Variants in FDFT1 observed in about 807,000 individuals in gnomAD.
The protein encoded by FDFT1 is farnesyl-diphosphate farnesyltransferase 1.
In FDFT1, 68 loss-of-function variants were observed where a neutral mutation model predicts 46.8. The observed-to-expected ratio is 1.45, with a 90% CI of 1.19 to 1.78. The LOEUF is 1.78. Among genes scored for constraint, FDFT1 ranks in the 40% most tolerant of loss-of-function variants. The pLI is 0.00. For synonymous variants in FDFT1, 351 were observed against 185.1 expected (o/e 1.90, Z -7.28); for missense variants, 928 against 524.4 (o/e 1.77, Z -7.52).
intron 3 of FDFT1, among the ~76,000 whole-genome samples, chr8:11,815,110 C>G (rs554139969): frequency 6.6e-6 from 1 of 152,218 alleles, no homozygotes; most frequent in Admixed American, 6.5e-5. Flanking sequence ...GGAGTGAGAA[C>G]ATGTAGTGTT....
intron 5 of FDFT1, among the ~76,000 whole-genome samples, chr8:11,829,544 G>T (rs1021598578): frequency 1.3e-5 from 2 of 152,192 alleles, no homozygotes; most frequent in Non-Finnish European, 1.5e-5. Flanking sequence ...TCTTGAGAAG[G>T]TTTACTGTTT....
rs190473908 is a variant in FDFT1 at position 11,808,844 on chromosome 8, C to G, written c.150C>G (p.Thr50=). 6.2e-7 allele frequency: 1 copy of G among 1,614,016 alleles called. No individual in the cohort carries two copies. The highest frequency in any genetic ancestry group is 1.1e-5 in the South Asian group (1 of 91,062). The change falls in exon 2 of 8, where the codon ACC becomes ACG. Residue 50 remains threonine, a synonymous_variant. Coordinates refer to ENST00000220584, the MANE Select transcript of FDFT1 (RefSeq NM_004462.5). ...CTTGCTACAAGTATCTCAATCAGAC[C>G]AGTCGCAGTTTCGCAGCTGTTATCC... The part of the protein sequence containing the change: ...LKTCYKYLNQ[T]SRSFAAVIQA...
upstream of FDFT1, among the ~76,000 whole-genome samples, chr8:11,799,774 T>C (rs950042622): frequency 3.3e-5 from 5 of 151,966 alleles, no homozygotes; most frequent in African/African-American, 4.8e-5. Context: ...GGTGAAACCC[T>C]GTCTCAACTA....
Position 11,838,814 on chromosome 8 carries a change from C to CT in FDFT1, c.*207dup. The CT allele has an allele frequency of 1.7e-6, 1 of 577,178 alleles. No homozygotes were observed. The highest frequency in any genetic ancestry group is 1.9e-5 in the African/African-American group (1 of 53,602). 35.8% of individuals were successfully genotyped at this position (577,178 alleles called of 1,614,324 possible). Reference sequence around the variant, plus strand: ...GGGTGCCTCATCCCAGCAACCTGTCCTTGTGGGTGATGATCACTGTGCTGC... The same window carrying CT: ...GGGTGCCTCATCCCAGCAACCTGTCCTTTGTGGGTGATGATCACTGTGCTGC... On this transcript the variant is annotated 3_prime_UTR_variant, in exon 8 of 8. Coordinates refer to ENST00000220584, the MANE Select transcript of FDFT1 (RefSeq NM_004462.5).
upstream of FDFT1, among the ~76,000 whole-genome samples, chr8:11,797,510 C>G (rs914255035): frequency 6.8e-5 from 8 of 118,148 alleles, no homozygotes; most frequent in African/African-American, 2.5e-4. Flanking sequence ...GATGTTCAGC[C>G]AATGTTTGTT....
chr8:11,808,744 ACTC>A (rs1807267687), intron 1 of FDFT1, 47 bp from the exon 2 acceptor site: 2 of 1,316,100 alleles, frequency 1.5e-6, no homozygotes, highest in Admixed American at 2.0e-5. Flanking sequence ...TCCCACTCCC[ACTC>A]CTGCTCCTCG....
At chr8:11,827,278 T>G (rs74784024) in intron 5 of FDFT1, among the ~76,000 whole-genome samples, 20,570 of 151,934 alleles carry the variant, frequency 0.14, 1,495 homozygotes, top group Middle Eastern at 0.16. Context: ...CAAGATACCA[T>G]CTCTATAAAA....
intron 7 of FDFT1, among the ~76,000 whole-genome samples, chr8:11,833,407 GCACTATTTATTCAT>G (rs1811128043): frequency 1.3e-5 from 2 of 152,172 alleles, no homozygotes; most frequent in East Asian, 3.9e-4. Context: ...GCTATATTAA[GCACTATTTATTCAT>G]TTTATATAAA....
At chr8:11,826,350 G>C in intron 5 of FDFT1, 135 bp downstream of exon 5, 2 of 589,578 alleles carry the variant, frequency 3.4e-6, no homozygotes, top group Admixed American at 6.2e-5. Context: ...TGGAAAATAG[G>C]ATAGCTTGAC....
chr8:11,803,555 C>G (rs960744705), intron 1 of FDFT1: 3 of 1,038,664 alleles, frequency 2.9e-6, no homozygotes, highest in Non-Finnish European at 3.7e-6. Flanking sequence ...TTATCTGCCT[C>G]ATGCCTGTAC....
At chr8:11,831,219 G>C (rs546576995) in intron 6 of FDFT1, among the ~76,000 whole-genome samples, 1 of 152,172 alleles carries the variant, frequency 6.6e-6, no homozygotes, top group African/African-American at 2.4e-5. Context: ...CATTGCTCTA[G>C]CATGGAAAAT....
chr8:11,837,060 C>T (rs1248405059), intron 7 of FDFT1, among the ~76,000 whole-genome samples: 2 of 152,186 alleles, frequency 1.3e-5, no homozygotes, highest in Non-Finnish European at 2.9e-5. Flanking sequence ...CCTGGAGCTG[C>T]AGACAGGTTT....
upstream of FDFT1, chr8:11,802,334 C>G (rs893861801): frequency 1.5e-5 from 6 of 412,982 alleles, no homozygotes; most frequent in Non-Finnish European, 2.4e-5. Flanking sequence ...GACTTATTGA[C>G]CAAGTGGGGA....
intron 4 of FDFT1, 60 bp downstream of exon 4, chr8:11,821,938 A>G (rs1585944561): frequency 6.3e-7 from 1 of 1,579,072 alleles, no homozygotes; most frequent in East Asian, 2.3e-5. Context: ...CAGTCCTCAT[A>G]GTGAAGCTCA....
intron 3 of FDFT1, among the ~76,000 whole-genome samples, chr8:11,820,181 C>T (rs941175585): frequency 6.6e-6 from 1 of 152,174 alleles, no homozygotes; most frequent in Non-Finnish European, 1.5e-5. Flanking sequence ...GGCTGCAGAA[C>T]AGCAAATATC....
intron 3 of FDFT1, among the ~76,000 whole-genome samples, chr8:11,813,239 C>A (rs1050310078): frequency 1.3e-5 from 2 of 152,170 alleles, no homozygotes; most frequent in Non-Finnish European, 2.9e-5. Context: ...ATCTTTCTCA[C>A]CTGGTACTAG....
At chr8:11,831,920 A>G (rs1563340405) in intron 7 of FDFT1, 1 of 367,174 alleles carries the variant, frequency 2.7e-6, no homozygotes, top group Non-Finnish European at 4.9e-6. Context: ...GCCCCTCAGT[A>G]GAATCATAGA....
At chr8:11,807,539 A>C (rs1807021407) in intron 1 of FDFT1, among the ~76,000 whole-genome samples, 1 of 152,022 alleles carries the variant, frequency 6.6e-6, no homozygotes. Flanking sequence ...GAAGGGACAA[A>C]TAGGAACCCG....
At chr8:11,807,712 A>C (rs989774595) in intron 1 of FDFT1, among the ~76,000 whole-genome samples, 2 of 152,252 alleles carry the variant, frequency 1.3e-5, no homozygotes, top group East Asian at 3.8e-4. Flanking sequence ...GGAAGAGTAA[A>C]GGTCAGTGCG....
Sources: allele counts gnomAD v4.1 joint callset (sites outside exome capture counted in the v4.1 genomes callset), GRCh38; gene constraint gnomAD v4.1.1; transcripts MANE v1.5; gene names NCBI Gene and HGNC (gene_info 2026-07-23, HGNC 2026-07-21).